OLA1: variants seen among roughly 807,000 people sequenced by gnomAD.
OLA1 encodes Obg like ATPase 1, also known as obg-like ATPase 1.
Under a neutral mutation model 48.4 loss-of-function variants are expected in OLA1, and 14 were observed. The observed-to-expected ratio is 0.29, with a 90% confidence interval of 0.19 to 0.45. OLA1 has a LOEUF of 0.45. Ranked by LOEUF, OLA1 falls within the 20% of genes least tolerant of loss-of-function variation. The pLI is 1.00. For synonymous variants in OLA1, 127 were observed against 150.4 expected (o/e 0.84, Z 1.14); for missense variants, 325 against 467.1 (o/e 0.70, Z 2.80).
intron 2 of OLA1, among the ~76,000 whole-genome samples, chr2:174,229,856 A>G (rs1349053440): frequency 6.6e-6 from 1 of 152,240 alleles, no homozygotes; most frequent in Non-Finnish European, 1.5e-5. Flanking sequence ...AGTTAAGTCA[A>G]TGACTTTCCA....
intron 4 of OLA1, among the ~76,000 whole-genome samples, chr2:174,181,081 A>G (rs1011451779): frequency 6.6e-6 from 1 of 152,220 alleles, no homozygotes; most frequent in African/African-American, 2.4e-5. Flanking sequence ...GAGCACCCAC[A>G]TACCTATGGT....
intron 4 of OLA1, among the ~76,000 whole-genome samples, chr2:174,151,844 G>A (rs1376302847): frequency 6.6e-6 from 1 of 152,072 alleles, no homozygotes; most frequent in African/African-American, 2.4e-5. Context: ...ATTGCATTGG[G>A]GTGCGAGTGG....
chr2:174,082,525 T>C (rs1424982671), intron 7 of OLA1, among the ~76,000 whole-genome samples: 1 of 152,184 alleles, frequency 6.6e-6, no homozygotes, highest in African/African-American at 2.4e-5. Flanking sequence ...GCCAGATATC[T>C]ATATGCCTGG....
At chr2:174,207,137 G>GA (rs1688134040) in intron 4 of OLA1, among the ~76,000 whole-genome samples, 1 of 152,096 alleles carries the variant, frequency 6.6e-6, no homozygotes, top group Non-Finnish European at 1.5e-5. Flanking sequence ...AGTTGGGGGG[G>GA]AGCAATTAAA....
intron 5 of OLA1, among the ~76,000 whole-genome samples, chr2:174,130,292 C>T (rs992147171): frequency 6.6e-6 from 1 of 152,062 alleles, no homozygotes; most frequent in Non-Finnish European, 1.5e-5. Context: ...CTGAAACTCC[C>T]AGAAAAGGAT....
chr2:174,239,573 T>G (rs1306392791), intron 2 of OLA1, among the ~76,000 whole-genome samples: 1 of 151,700 alleles, frequency 6.6e-6, no homozygotes, highest in Non-Finnish European at 1.5e-5. Flanking sequence ...TAAAGGAAAC[T>G]AAGGAAACAA....
At chr2:174,247,433 T>G in intron 1 of OLA1, 1 of 435,128 alleles carries the variant, frequency 2.3e-6, no homozygotes, top group Non-Finnish European at 4.0e-6. Flanking sequence ...AACTTAGAGT[T>G]TAGCTACCAA....
chr2:174,236,136 T>C (rs1315087041), intron 2 of OLA1, among the ~76,000 whole-genome samples: 1 of 151,920 alleles, frequency 6.6e-6, no homozygotes, highest in African/African-American at 2.4e-5. Flanking sequence ...CCACAGTGTA[T>C]AGAATCCAAT....
chr2:174,235,706 G>T (rs899769528), intron 2 of OLA1, among the ~76,000 whole-genome samples: 1 of 152,186 alleles, frequency 6.6e-6, no homozygotes, highest in Non-Finnish European at 1.5e-5. Flanking sequence ...TTATGGGAGA[G>T]TATACTAGAA....
intron 7 of OLA1, among the ~76,000 whole-genome samples, chr2:174,083,300 C>T (rs977503936): frequency 1.3e-5 from 2 of 151,992 alleles, no homozygotes; most frequent in African/African-American, 4.8e-5. Flanking sequence ...AGTCACAAAT[C>T]CATCAATGGC....
At chr2:174,204,961 A>C (rs568391107) in intron 4 of OLA1, among the ~76,000 whole-genome samples, 1 of 152,292 alleles carries the variant, frequency 6.6e-6, no homozygotes, top group African/African-American at 2.4e-5. Flanking sequence ...CCCTAACATC[A>C]ATAAATTCCC....
intron 4 of OLA1, among the ~76,000 whole-genome samples, chr2:174,144,821 G>A (rs957818430): frequency 1.3e-5 from 2 of 149,626 alleles, no homozygotes; most frequent in African/African-American, 2.5e-5. Context: ...GGTGGTGCAC[G>A]CCTGTGGTCT....
chr2:174,087,176 G>A (rs1685000955), intron 7 of OLA1, among the ~76,000 whole-genome samples: 1 of 151,596 alleles, frequency 6.6e-6, no homozygotes, highest in Non-Finnish European at 1.5e-5. Flanking sequence ...ACAGGTGCCC[G>A]CCACCACACC....
intron 5 of OLA1, among the ~76,000 whole-genome samples, chr2:174,126,335 GA>G (rs895221241): frequency 2.0e-5 from 3 of 150,664 alleles, no homozygotes; most frequent in Non-Finnish European, 3.0e-5. Context: ...TGGTTAACTG[GA>G]AAAAAAAATT....
intron 2 of OLA1, 83 bp downstream of exon 2, chr2:174,246,632 A>T: frequency 1.1e-6 from 1 of 876,196 alleles, no homozygotes; most frequent in Non-Finnish European, 1.9e-6. Context: ...CTTAAAGTTT[A>T]ATTACCTCAC....
chr2:174,191,382 TC>T (rs2105423419), intron 4 of OLA1, among the ~76,000 whole-genome samples: 1 of 152,162 alleles, frequency 6.6e-6, no homozygotes. Flanking sequence ...AAACACAATG[TC>T]CCCTTTTATC....
chr2:174,135,907 T>C (rs1686300943), intron 5 of OLA1, among the ~76,000 whole-genome samples: 1 of 152,270 alleles, frequency 6.6e-6, no homozygotes. Flanking sequence ...AGTATCGCTA[T>C]AAAGCAAGTC....
chr2:174,209,721 G>A (rs1688201033), intron 4 of OLA1, among the ~76,000 whole-genome samples: 1 of 152,074 alleles, frequency 6.6e-6, no homozygotes, highest in African/African-American at 2.4e-5. Flanking sequence ...CCTCCCAGGT[G>A]GCCTAATAAG....
chr2:174,166,072 C>T (rs927733068), intron 4 of OLA1, among the ~76,000 whole-genome samples: 2 of 150,348 alleles, frequency 1.3e-5, no homozygotes, highest in East Asian at 2.0e-4. Flanking sequence ...GTCACATGAG[C>T]AGAGATCGTG....
Sources: allele counts gnomAD v4.1 joint callset (sites outside exome capture counted in the v4.1 genomes callset), GRCh38; gene constraint gnomAD v4.1.1; transcripts MANE v1.5; gene names NCBI Gene and HGNC (gene_info 2026-07-23, HGNC 2026-07-21).